NCOR1: variants seen among roughly 807,000 people sequenced by gnomAD.
The protein encoded by NCOR1 is nuclear receptor corepressor 1, also known as protein phosphatase 1, regulatory subunit 109.
NCOR1 carries 63 observed loss-of-function variants against 288.1 expected under a neutral mutation model. The observed-to-expected ratio is 0.22, with a 90% CI of 0.18 to 0.27. The LOEUF (loss-of-function observed/expected upper bound fraction) is 0.27, where lower values mean the gene tolerates loss of function less well. NCOR1 is among the 10% of genes least tolerant of loss of function. The pLI is 1.00. For missense variants in NCOR1, 2,397 were observed against 3,019.2 expected, an observed-to-expected ratio of 0.79 and a Z score of 4.83; for synonymous variants, 1,007 against 1,065.9, an observed-to-expected ratio of 0.94 and a Z score of 1.08.
intron 5 of NCOR1, among the ~76,000 whole-genome samples, chr17:16,161,815 A>C (rs2153429530): frequency 6.6e-6 from 1 of 152,270 alleles, no homozygotes; most frequent in Non-Finnish European, 1.5e-5. Context: ...ATTTCATAAT[A>C]ATCATACATT....
At chr17:16,155,779 C>T (rs552876400) in intron 6 of NCOR1, among the ~76,000 whole-genome samples, 22 of 152,264 alleles carry the variant, frequency 1.4e-4, no homozygotes, top group African/African-American at 4.3e-4. Flanking sequence ...CCCATTCCTC[C>T]TTGCCTATGG....
rs74663734 is a variant in NCOR1, at chr17:16,143,525, T to C, written c.1173+81A>G. ...ACTCAATTAAGTTCCCACATTTACATACAAAAAAACCCTTAGCTCCTACAG... is the reference window on the plus strand; with the variant it reads ...ACTCAATTAAGTTCCCACATTTACACACAAAAAAACCCTTAGCTCCTACAG... On this transcript the variant is annotated intron_variant, in intron 11 of 45. Coordinates refer to ENST00000268712, the MANE Select transcript of NCOR1 (RefSeq NM_006311.4). 2.3e-3 allele frequency: 2,468 copies of C among 1,080,412 alleles called. 40 individuals are homozygous for C. The African/African-American group carries it at 0.034, about 15-fold the overall frequency. The allele number at this position is 1,080,412 out of a possible 1,614,324, so 66.9% of individuals were successfully genotyped here.
intron 23 of NCOR1, among the ~76,000 whole-genome samples, chr17:16,083,585 T>G (rs937080350): frequency 4.9e-5 from 7 of 143,538 alleles, no homozygotes; most frequent in African/African-American, 1.9e-4. Flanking sequence ...GGTTCATGGT[T>G]TTTTTTTTTT....
Position 16,108,922 on chromosome 17 carries a change from G to T in NCOR1, c.2056-10C>A, listed in dbSNP as rs200551216. 1 of 1,543,962 alleles carries T rather than the reference G, an allele frequency of 6.5e-7. No homozygotes were observed. The highest frequency in any genetic ancestry group is 8.7e-7 in the Non-Finnish European group (1 of 1,149,320). ...GAGGTTTTCGTGAAGTCTAAAGGAG[G>T]AAAGAGTATTATTTGATTTAAATAA... On this transcript the variant is annotated splice_polypyrimidine_tract_variant and intron_variant, in intron 18 of 45. Coordinates refer to ENST00000268712, the MANE Select transcript of NCOR1 (RefSeq NM_006311.4).
intron 18 of NCOR1, among the ~76,000 whole-genome samples, chr17:16,113,601 T>C (rs2070817953): frequency 1.3e-5 from 2 of 152,124 alleles, no homozygotes; most frequent in South Asian, 4.1e-4. Flanking sequence ...TCTGTTAAAA[T>C]CTATAATCTG....
chr17:16,071,371 A>G lies in NCOR1; in HGVS notation c.4152+38T>C, dbSNP rs768278490. ...TCACACTTTTTTAAATGTTCCATAA[A>G]TATCAGTTACTGACAAAAAGAGCCA... On this transcript the variant is annotated intron_variant, in intron 30 of 45. Transcript: ENST00000268712. The G allele has an allele frequency of 2.5e-6, 4 of 1,588,406 alleles. No homozygotes were observed. The South Asian group carries it at 3.4e-5, about 14-fold the overall frequency.
Position 16,031,531 on chromosome 17 carries a change from A to G in NCOR1, c.*765T>C, listed in dbSNP as rs1971996709. The stretch of plus-strand genomic sequence containing the variant: ...TGCGTAACAGTGAGGTATGCCTCAA[A>G]TAAGCCTTTAAAACTTTATAAACTG... On this transcript the variant is annotated 3_prime_UTR_variant, in exon 46 of 46. Coordinates refer to ENST00000268712, the MANE Select transcript of NCOR1 (RefSeq NM_006311.4). 9.4e-6 allele frequency: 2 copies of G among 212,846 alleles called. No homozygotes were observed. Among genetic ancestry groups the G allele is most frequent in the African/African-American group, 4.5e-5 (2 of 44,218 alleles). The allele number at this position is 212,846 out of a possible 1,614,324, so 13.2% of individuals were successfully genotyped here.
rs545011379 is a variant in NCOR1, at chr17:16,159,016, C to G, written c.619-143G>C. 1.5e-5 allele frequency: 7 copies of G among 480,978 alleles called. No homozygotes were observed. In the South Asian group the frequency reaches 2.5e-4, roughly 17 times the overall value. 29.8% of individuals were successfully genotyped at this position (480,978 alleles called of 1,614,324 possible). ...ATTAATCCATGAAGGTCTCATGGAC[C>G]AAGAGCTCAAAGAGAATTAATCAGA... On this transcript the variant is annotated intron_variant, in intron 5 of 45. Transcript: ENST00000268712.
intron 3 of NCOR1, among the ~76,000 whole-genome samples, chr17:16,183,790 T>G (rs909026564): frequency 2.6e-5 from 4 of 151,990 alleles, no homozygotes; most frequent in African/African-American, 9.7e-5. Context: ...AAATCAATTC[T>G]GAAAAAGAAA....
chr17:16,067,735 G>C (rs1044094298), intron 32 of NCOR1, among the ~76,000 whole-genome samples, 159 bp downstream of exon 32: 7 of 152,236 alleles, frequency 4.6e-5, no homozygotes, highest in Non-Finnish European at 1.0e-4. Flanking sequence ...TTCTTGATCT[G>C]GGTGCTGGTA....
chr17:16,101,974 G>A (rs2067702023), intron 19 of NCOR1, among the ~76,000 whole-genome samples: 1 of 152,126 alleles, frequency 6.6e-6, no homozygotes, highest in Non-Finnish European at 1.5e-5. Flanking sequence ...GTATAAAAGT[G>A]AAAGATCAAA....
intron 33 of NCOR1, 140 bp downstream of exon 33, chr17:16,065,343 TAA>T: frequency 2.0e-6 from 2 of 983,628 alleles, no homozygotes; most frequent in Non-Finnish European, 3.0e-6. Context: ...GTCTCTGGGC[TAA>T]AAAGTCTACG....
chr17:16,114,160 A>AAAAAAAAAAAAAAAAAAAAAAAC, intron 18 of NCOR1, among the ~76,000 whole-genome samples: 1 of 106,894 alleles, frequency 9.4e-6, no homozygotes, highest in Non-Finnish European at 2.0e-5. Context: ...AAAAAAAAAA[A>AAAAAAAAAAAAAAAAAAAAAAAC]AAAAAAAAAC....
At chr17:16,044,530 A>C in intron 42 of NCOR1, 1 of 490,684 alleles carries the variant, frequency 2.0e-6, no homozygotes, top group East Asian at 6.3e-5. Context: ...GGTCCTTCCA[A>C]GGAAGCTAAG....
chr17:16,041,969 C>T (rs1374125558), intron 42 of NCOR1, among the ~76,000 whole-genome samples: 1 of 151,850 alleles, frequency 6.6e-6, no homozygotes, highest in Non-Finnish European at 1.5e-5. Flanking sequence ...ATCTCCTGAC[C>T]TCGATATGCC....
intron 5 of NCOR1, among the ~76,000 whole-genome samples, chr17:16,161,245 A>G (rs1409095429): frequency 6.8e-6 from 1 of 146,334 alleles, no homozygotes; most frequent in African/African-American, 2.6e-5. Context: ...ACACACACAC[A>G]CACACACACA....
chr17:16,121,334 A>G, intron 15 of NCOR1, 65 bp from the exon 16 acceptor site: 1 of 1,307,160 alleles, frequency 7.7e-7, no homozygotes, highest in African/African-American at 1.5e-5. Flanking sequence ...AGAAGGTTTT[A>G]GTTTTGAATA....
chr17:16,169,206 T>C (rs1475513691), intron 4 of NCOR1, among the ~76,000 whole-genome samples: 1 of 152,120 alleles, frequency 6.6e-6, no homozygotes, highest in Non-Finnish European at 1.5e-5. Flanking sequence ...AAAATATTCA[T>C]ACGGGCTGAC....
At chr17:16,109,808 C>T (rs1465630680) in intron 18 of NCOR1, among the ~76,000 whole-genome samples, 3 of 152,020 alleles carry the variant, frequency 2.0e-5, no homozygotes, top group Non-Finnish European at 4.4e-5. Context: ...GATCTCAGCT[C>T]ACTGGAACCT....
Sources: allele counts gnomAD v4.1 joint callset (sites outside exome capture counted in the v4.1 genomes callset), GRCh38; gene constraint gnomAD v4.1.1; transcripts MANE v1.5; gene names NCBI Gene and HGNC (gene_info 2026-07-23, HGNC 2026-07-21).